Variants in SRGAP2B observed in about 807,000 individuals in gnomAD.
SRGAP2B encodes SLIT-ROBO Rho GTPase activating protein 2B.
SRGAP2B carries 9 observed loss-of-function variants against 22.2 expected under a neutral mutation model. The ratio of observed to expected loss-of-function variants is 0.41; its 90% confidence interval spans 0.24 to 0.71. SRGAP2B has a LOEUF of 0.71. Among genes scored for constraint, SRGAP2B ranks in the 30% least tolerant of loss-of-function variants. The pLI is 0.35. For synonymous variants in SRGAP2B, 36 were observed against 87.4 expected, an observed-to-expected ratio of 0.41 and a Z score of 3.28; for missense variants, 114 against 235.8, an observed-to-expected ratio of 0.48 and a Z score of 3.38.
At chr1:144,989,093 C>A (rs1423395904) in intron 3 of SRGAP2B, among the ~76,000 whole-genome samples, 2 of 133,408 alleles carry the variant, frequency 1.5e-5, no homozygotes, top group African/African-American at 6.2e-5. Flanking sequence ...GTGTCTCTCT[C>A]CCCACCTAAG....
At chr1:144,964,750 C>A (rs1667935254) in intron 3 of SRGAP2B, among the ~76,000 whole-genome samples, 1 of 150,636 alleles carries the variant, frequency 6.6e-6, no homozygotes, top group Non-Finnish European at 1.5e-5. Context: ...AATCTCTTCA[C>A]CTGTTTTAAA....
chr1:144,970,517 G>C (rs1429078856), intron 3 of SRGAP2B, among the ~76,000 whole-genome samples: 2 of 101,646 alleles, frequency 2.0e-5, no homozygotes, highest in African/African-American at 4.1e-5. Flanking sequence ...GGAGGGGGGA[G>C]GGATAGCATT....
intron 5 of SRGAP2B, among the ~76,000 whole-genome samples, chr1:144,908,652 GA>G (rs1390496498): frequency 6.7e-6 from 1 of 148,662 alleles, no homozygotes; most frequent in African/African-American, 2.5e-5. Flanking sequence ...AAAAACAATT[GA>G]AAAAATAGGA....
At chr1:144,910,121 T>C in intron 5 of SRGAP2B, among the ~76,000 whole-genome samples, 1 of 141,620 alleles carries the variant, frequency 7.1e-6, no homozygotes, top group East Asian at 2.0e-4. Flanking sequence ...CCTGGAGAGA[T>C]AAATGAGAAA....
chr1:145,041,061 C>T (rs1159047321), intron 2 of SRGAP2B, among the ~76,000 whole-genome samples: 3 of 102,098 alleles, frequency 2.9e-5, no homozygotes, highest in African/African-American at 9.1e-5. Flanking sequence ...TCATTTGTTG[C>T]ATGTATATAT....
At chr1:144,944,594 A>T in intron 4 of SRGAP2B, among the ~76,000 whole-genome samples, 1 of 145,346 alleles carries the variant, frequency 6.9e-6, no homozygotes, top group South Asian at 2.1e-4. Context: ...CTCAAAAAAA[A>T]AAAAAAAAAA....
At position 144,985,495 on chromosome 1, in the gene SRGAP2B, A is replaced by C. The variant is rs1207964044; in HGVS notation, c.260+9513T>G. 1.7e-4 allele frequency among the ~76,000 whole-genome samples: 25 copies of C among 151,234 alleles called. 1 individual carries two copies. The highest frequency in any genetic ancestry group is 5.9e-4 in the African/African-American group (24 of 40,650). On this transcript the variant is annotated intron_variant, in intron 3 of 9. Coordinates refer to ENST00000612199, the Ensembl canonical transcript of SRGAP2B. ...TATGACTGAAAGGTAATTTACAGCA[A>C]GTCTATTTAAAAAAAAAACAAACAA...
At chr1:144,917,585 A>T (rs1198916718) in intron 4 of SRGAP2B, among the ~76,000 whole-genome samples, 1 of 146,070 alleles carries the variant, frequency 6.8e-6, no homozygotes, top group Non-Finnish European at 1.5e-5. Context: ...CAAAAAAAAC[A>T]GCAATTAAGC....
In SRGAP2B at chr1:144,909,688, C is replaced by CA. The variant is rs1182422065; in HGVS notation, c.487-3615dup. On this transcript the variant is annotated intron_variant, in intron 5 of 9. Coordinates refer to ENST00000612199, the Ensembl canonical transcript of SRGAP2B. The stretch of plus-strand genomic sequence containing the variant: ...GAGGTTTATTCTGTTAGAGAGGGTC[C>CA]ATGGACTAGGGGATACAAGGTTCAG... 2.2e-3 allele frequency among the ~76,000 whole-genome samples: 328 copies of CA among 150,364 alleles called. 23 individuals are homozygous for CA. The highest frequency in any genetic ancestry group is 7.9e-3 in the African/African-American group (316 of 39,990).
intron 3 of SRGAP2B, among the ~76,000 whole-genome samples, chr1:144,992,387 C>T (rs1189676152): frequency 1.3e-5 from 2 of 150,926 alleles, no homozygotes; most frequent in African/African-American, 5.0e-5. Flanking sequence ...CAAATACGTC[C>T]ATAAGCTGAG....
At chr1:144,952,828 C>T (rs1269588531) in intron 4 of SRGAP2B, among the ~76,000 whole-genome samples, 3 of 150,610 alleles carry the variant, frequency 2.0e-5, no homozygotes, top group Non-Finnish European at 4.4e-5. Flanking sequence ...TTTTTAGAGA[C>T]AAGGTCTTGT....
intron 4 of SRGAP2B, among the ~76,000 whole-genome samples, chr1:144,940,536 C>T (rs1366326566): frequency 4.1e-5 from 6 of 145,388 alleles, no homozygotes; most frequent in East Asian, 2.0e-4. Context: ...TGGTGGCTCA[C>T]GCCTGAAATC....
chr1:144,944,807 G>A (rs1238545914), intron 4 of SRGAP2B, among the ~76,000 whole-genome samples: 3 of 142,638 alleles, frequency 2.1e-5, no homozygotes, highest in East Asian at 2.1e-4. Context: ...CACCTTCTGG[G>A]TTCAAGTGAT....
chr1:145,020,653 C>G (rs1672734821), intron 2 of SRGAP2B, among the ~76,000 whole-genome samples: 1 of 147,268 alleles, frequency 6.8e-6, no homozygotes, highest in Non-Finnish European at 1.5e-5. Context: ...AATAAAGCAT[C>G]TAGAGTAGTG....
rs1274519141 is a variant in SRGAP2B, at chr1:144,939,456, G to A, written c.423+15983C>T. On this transcript the variant is annotated intron_variant, in intron 4 of 9. Coordinates refer to ENST00000612199, the Ensembl canonical transcript of SRGAP2B. ...CCTATAGACAACAAATTGTCTGTAC[G>A]ACTCATTACATTGCTATCTAAATTG... 4.1e-5 allele frequency among the ~76,000 whole-genome samples: 6 copies of A among 147,534 alleles called. No individual in the cohort carries two copies. In the East Asian group the frequency reaches 5.9e-4, roughly 15 times the overall value.
At chr1:145,013,095 T>C (rs1672179672) in intron 2 of SRGAP2B, among the ~76,000 whole-genome samples, 1 of 150,896 alleles carries the variant, frequency 6.6e-6, no homozygotes, top group Non-Finnish European at 1.5e-5. Context: ...AAAAAAAGTG[T>C]GATGATCTTT....
intron 4 of SRGAP2B, among the ~76,000 whole-genome samples, chr1:144,951,171 GTTTTTTGT>G (rs1666831927): frequency 6.9e-6 from 1 of 144,954 alleles, no homozygotes. Flanking sequence ...TTTGTTTTTT[GTTTTTTGT>G]TTTTTTTTTT....
intron 3 of SRGAP2B, among the ~76,000 whole-genome samples, chr1:144,956,436 T>TC (rs1331691825): frequency 1.6e-5 from 2 of 128,918 alleles, no homozygotes; most frequent in Non-Finnish European, 3.2e-5. Context: ...AGGTGCTCAT[T>TC]CCCTTTTTTT....
At chr1:144,979,714 A>G (rs1467917985) in intron 3 of SRGAP2B, among the ~76,000 whole-genome samples, 1 of 150,808 alleles carries the variant, frequency 6.6e-6, no homozygotes, top group South Asian at 2.1e-4. Context: ...CTGGTTGTTC[A>G]AAAGTCTGGG....
Sources: allele counts gnomAD v4.1 joint callset (sites outside exome capture counted in the v4.1 genomes callset), GRCh38; gene constraint gnomAD v4.1.1; transcripts MANE v1.5; gene names NCBI Gene and HGNC (gene_info 2026-07-23, HGNC 2026-07-21).